RANBP2: variants seen among roughly 807,000 people sequenced by gnomAD.
RANBP2 encodes E3 SUMO-protein ligase RanBP2.
RANBP2 carries 57 observed loss-of-function variants against 303.6 expected under a neutral mutation model. The ratio of observed to expected loss-of-function variants is 0.19; its 90% confidence interval spans 0.15 to 0.23. The LOEUF (loss-of-function observed/expected upper bound fraction) is 0.23, where lower values mean the gene tolerates loss of function less well. Ranked by LOEUF, RANBP2 falls within the 10% of genes least tolerant of loss-of-function variation. The probability of loss-of-function intolerance (pLI) is 1.00; values close to 1 mark genes in which losing one functional copy is unlikely to be tolerated. For synonymous variants in RANBP2, 1,167 were observed against 1,301.5 expected (o/e 0.90, Z 2.23); for missense variants, 3,138 against 3,780.8 (o/e 0.83, Z 4.46).
At chr2:109,689,574 A>G in the RANBP2 span, among the ~76,000 whole-genome samples, 3 of 152,232 alleles carry the variant, frequency 2.0e-5, no homozygotes, top group African/African-American at 4.8e-5. Flanking sequence ...GAGCTGTAGC[A>G]TATTTTCAGT....
chr2:109,026,413 G>A, the RANBP2 span, among the ~76,000 whole-genome samples: 1 of 150,196 alleles, frequency 6.7e-6, no homozygotes, highest in Admixed American at 6.8e-5. Context: ...ATAGATAAGA[G>A]CCATCACACC....
chr2:109,057,143 G>A, the RANBP2 span, among the ~76,000 whole-genome samples: 3 of 152,154 alleles, frequency 2.0e-5, no homozygotes, highest in Admixed American at 1.3e-4. Flanking sequence ...GTTCATTTCT[G>A]ATCCTACAAT....
At chr2:109,570,092 T>C in the RANBP2 span, among the ~76,000 whole-genome samples, 1 of 152,204 alleles carries the variant, frequency 6.6e-6, no homozygotes, top group Admixed American at 6.5e-5. Context: ...CATATCCTAG[T>C]TTTTCTTTTA....
At chr2:109,715,355 G>T in the RANBP2 span, among the ~76,000 whole-genome samples, 1 of 152,104 alleles carries the variant, frequency 6.6e-6, no homozygotes, top group Non-Finnish European at 1.5e-5. Flanking sequence ...CAATCTGCCT[G>T]CCTCAAGCTC....
chr2:108,876,416 T>C, the RANBP2 span: 1 of 439,292 alleles, frequency 2.3e-6, no homozygotes, highest in Non-Finnish European at 4.0e-6. Context: ...TAGAAGGTAT[T>C]GGAACTTTTG....
chr2:108,935,678 A>G, the RANBP2 span, among the ~76,000 whole-genome samples: 1 of 152,138 alleles, frequency 6.6e-6, no homozygotes. Context: ...TCTGCACTAG[A>G]CACCGATTCC....
At chr2:109,654,325 C>A in the RANBP2 span, among the ~76,000 whole-genome samples, 2 of 151,784 alleles carry the variant, frequency 1.3e-5, no homozygotes, top group Non-Finnish European at 2.9e-5. Flanking sequence ...GGGGTCTAGT[C>A]CTCTGCTTGT....
chr2:109,623,277 C>A, the RANBP2 span, among the ~76,000 whole-genome samples: 1 of 152,150 alleles, frequency 6.6e-6, no homozygotes, highest in African/African-American at 2.4e-5. Context: ...CCCATACCCA[C>A]CCCCGGCCAC....
chr2:108,896,039 G>A, the RANBP2 span: 1 of 152,184 alleles, frequency 6.6e-6, no homozygotes, highest in African/African-American at 2.4e-5. Context: ...CCCCTAAAAG[G>A]TCAAATCTGC....
the RANBP2 span, among the ~76,000 whole-genome samples, chr2:109,688,955 G>A: frequency 6.7e-6 from 1 of 149,856 alleles, no homozygotes; most frequent in Non-Finnish European, 1.5e-5. Flanking sequence ...TCACCCAGGC[G>A]GAGTGCAATG....
the RANBP2 span, among the ~76,000 whole-genome samples, chr2:109,055,476 C>T: frequency 2.0e-5 from 3 of 151,658 alleles, no homozygotes; most frequent in Admixed American, 6.6e-5. Flanking sequence ...ATTCTTCTGC[C>T]TCAGCCTCTC....
At chr2:109,481,466 A>G in the RANBP2 span, among the ~76,000 whole-genome samples, 3 of 152,160 alleles carry the variant, frequency 2.0e-5, no homozygotes, top group East Asian at 1.9e-4. Flanking sequence ...GTGACTGGTC[A>G]AGGCTGGGCT....
the RANBP2 span, among the ~76,000 whole-genome samples, chr2:109,399,678 G>A: frequency 2.0e-5 from 3 of 152,252 alleles, no homozygotes; most frequent in African/African-American, 7.2e-5. Context: ...ACAATATTTA[G>A]TAAGTACTTG....
chr2:109,354,449 G>T, the RANBP2 span, among the ~76,000 whole-genome samples: 3 of 152,240 alleles, frequency 2.0e-5, no homozygotes, highest in Non-Finnish European at 4.4e-5. Flanking sequence ...GCCACTCATG[G>T]CCAGGCAGGG....
the RANBP2 span, among the ~76,000 whole-genome samples, chr2:108,949,231 C>A: frequency 6.6e-6 from 1 of 152,188 alleles, no homozygotes; most frequent in Non-Finnish European, 1.5e-5. Flanking sequence ...TTCCACCTGC[C>A]TTGCCCTCCC....
At chr2:108,803,235 C>G in the RANBP2 span, among the ~76,000 whole-genome samples, 5 of 152,196 alleles carry the variant, frequency 3.3e-5, no homozygotes, top group African/African-American at 1.2e-4. Context: ...CTGTGCCCGC[C>G]TGAGCGGCTC....
At chr2:109,265,770 A>G in the RANBP2 span, among the ~76,000 whole-genome samples, 1 of 152,198 alleles carries the variant, frequency 6.6e-6, no homozygotes, top group Non-Finnish European at 1.5e-5. Context: ...AAAAAAAGAG[A>G]TTGGCACATA....
the RANBP2 span, among the ~76,000 whole-genome samples, chr2:109,359,249 T>G: frequency 6.6e-6 from 1 of 152,228 alleles, no homozygotes; most frequent in Non-Finnish European, 1.5e-5. Context: ...TTGTTGGCTC[T>G]TCTAGGTCTC....
chr2:108,998,284 G>A, the RANBP2 span, among the ~76,000 whole-genome samples: 17 of 152,084 alleles, frequency 1.1e-4, no homozygotes, highest in African/African-American at 3.1e-4. Flanking sequence ...CCTGCCCCTC[G>A]GATAATGCTG....
Sources: gnomAD v4.1 joint callset for allele counts (sites outside exome capture counted in the v4.1 genomes callset) on GRCh38, gnomAD v4.1.1 for gene constraint, MANE v1.5 for transcripts, NCBI Gene and HGNC (gene_info 2026-07-23, HGNC 2026-07-21) for gene names.